The following GNAT3 variants were observed in gnomAD, a reference collection of about 807,000 sequenced individuals.
GNAT3 encodes G protein subunit alpha transducin 3.
A neutral mutation model predicts 37.7 loss-of-function variants in GNAT3; 31 were observed. The ratio of observed to expected loss-of-function variants is 0.82; its 90% confidence interval spans 0.62 to 1.11. The LOEUF is 1.11. Ranked by LOEUF, GNAT3 falls within the 50% of genes most tolerant of loss-of-function variation. GNAT3 has a pLI of 0.00. For synonymous variants in GNAT3, 138 were observed against 139.8 expected, an observed-to-expected ratio of 0.99 and a Z score of 0.09; for missense variants, 437 against 412.5, an observed-to-expected ratio of 1.06 and a Z score of -0.51.
At chr7:80,471,318 C>A (rs1456875339) in intron 5 of GNAT3, among the ~76,000 whole-genome samples, 4 of 151,488 alleles carry the variant, frequency 2.6e-5, no homozygotes, top group Non-Finnish European at 5.9e-5. Context: ...TTTGGTAACA[C>A]CCTCAGAGAC....
chr7:80,473,085 T>C (rs1790246167), intron 5 of GNAT3, among the ~76,000 whole-genome samples: 1 of 152,146 alleles, frequency 6.6e-6, no homozygotes, highest in South Asian at 2.1e-4. Flanking sequence ...GTGAGGAGTC[T>C]GAAGAAAGTA....
rs374712253 is a variant in GNAT3 at position 80,497,671 on chromosome 7, C to CATATACGTAT, written c.119-3025_119-3024insATACGTATAT. On this transcript the variant is annotated intron_variant, in intron 1 of 7. Coordinates refer to ENST00000398291, the MANE Select transcript of GNAT3 (RefSeq NM_001102386.3). ...ATACGTATATACATATACGTATATA[C>CATATACGTAT]ATACATATATACACACACACTGTCT... 1.5e-4 allele frequency among the ~76,000 whole-genome samples: 14 copies of CATATACGTAT among 91,138 alleles called. 2 individuals carry two copies. The highest frequency in any genetic ancestry group is 1.5e-3 in the African/African-American group (14 of 9,342). 59.8% of individuals were successfully genotyped at this position (91,138 alleles called of 152,430 possible).
Position 80,488,546 on chromosome 7 carries a change from G to A in GNAT3, c.292C>T (p.Pro98Ser). The change falls in exon 3 of 8, where the codon CCC becomes TCC. Residue 98 changes from proline (P) to serine (S), a missense_variant. Transcript: ENST00000398291. ...MTTLGIDYVN[P>S]RSAEDQRQLY... ...ATTTGCATACTTACTGCACTTCTGG[G>A]ATTTACATAATCAATTCCAAGGGTA... is the stretch of plus-strand genomic sequence containing the variant. 1 of 1,600,950 alleles carries A rather than the reference G, an allele frequency of 6.2e-7. No individual in the cohort carries two copies. The highest frequency in any genetic ancestry group is 8.5e-7 in the Non-Finnish European group (1 of 1,172,538).
chr7:80,486,632 C>CTTTTTTTTTT (rs762169940), intron 3 of GNAT3: 3 of 98,422 alleles, frequency 3.0e-5, no homozygotes, highest in African/African-American at 4.8e-5. Flanking sequence ...TTTTCTTTTC[C>CTTTTTTTTTT]TTTTTTTTTT....
intron 5 of GNAT3, among the ~76,000 whole-genome samples, chr7:80,466,616 G>A (rs184688278): frequency 4.9e-4 from 75 of 152,056 alleles, no homozygotes; most frequent in African/African-American, 1.7e-3. Flanking sequence ...TGGGTTCTAT[G>A]GGGGACATAA....
chr7:80,498,176 A>C (rs991556264), intron 1 of GNAT3, among the ~76,000 whole-genome samples: 6 of 152,110 alleles, frequency 3.9e-5, no homozygotes, highest in Non-Finnish European at 8.8e-5. Context: ...GTACTTCATA[A>C]ATATGGCCAT....
intron 1 of GNAT3, among the ~76,000 whole-genome samples, chr7:80,506,292 A>T (rs1041695010): frequency 6.6e-6 from 1 of 152,222 alleles, no homozygotes; most frequent in African/African-American, 2.4e-5. Flanking sequence ...AGCAAATACT[A>T]TCATTTGGCT....
intron 2 of GNAT3, among the ~76,000 whole-genome samples, chr7:80,493,525 G>C (rs1267203477): frequency 2.6e-5 from 4 of 152,052 alleles, no homozygotes; most frequent in African/African-American, 9.7e-5. Flanking sequence ...ATAAAATATG[G>C]CCCAAAGAAC....
Position 80,478,965 on chromosome 7 carries a change from T to C in GNAT3, c.337A>G (p.Thr113Ala). 1 of 1,612,156 alleles carries C rather than the reference T, an allele frequency of 6.2e-7. No homozygotes were observed. The highest frequency in any genetic ancestry group is 8.5e-7 in the Non-Finnish European group (1 of 1,179,024). The change falls in exon 4 of 8, where the codon ACC becomes GCC. Residue 113 changes from threonine to alanine, a missense_variant. By Grantham distance (58) the Thr-to-Ala change is moderately conservative. Coordinates refer to ENST00000398291, the MANE Select transcript of GNAT3 (RefSeq NM_001102386.3). ...DQRQLYAMAN[T>A]LEDGGMTPQL... The stretch of plus-strand genomic sequence containing the variant: ...GGTGTCATGCCACCATCTTCCAGGG[T>C]ATTTGCCATTGCATAAAGTTGTCGT...
At chr7:80,462,347 AT>A (rs747547996) in intron 6 of GNAT3, 35 bp from the exon 7 acceptor site, 2 of 1,595,764 alleles carry the variant, frequency 1.3e-6, no homozygotes, top group African/African-American at 2.7e-5. Flanking sequence ...GGGTAGGATT[AT>A]TATTTGCAAA....
chr7:80,481,034 G>T (rs1257425764), intron 3 of GNAT3, among the ~76,000 whole-genome samples: 6 of 151,894 alleles, frequency 4.0e-5, no homozygotes, highest in African/African-American at 1.5e-4. Flanking sequence ...ATACAACTCA[G>T]CTTATTATTA....
chr7:80,493,152 A>G (rs765753770), intron 2 of GNAT3, among the ~76,000 whole-genome samples: 99 of 152,212 alleles, frequency 6.5e-4, no homozygotes, highest in Middle Eastern at 6.8e-3. Context: ...GCAGCCAAAT[A>G]ATTGGTCTTT....
At chr7:80,492,388 A>G (rs531212658) in intron 2 of GNAT3, among the ~76,000 whole-genome samples, 90 of 151,770 alleles carry the variant, frequency 5.9e-4, no homozygotes, top group Middle Eastern at 6.8e-3. Flanking sequence ...TAAAAAATAA[A>G]ATGTTAATGC....
chr7:80,458,749 G>A lies in GNAT3; in HGVS notation c.987C>T (p.Thr329=), dbSNP rs1311832665. 3 of 1,598,306 alleles carry A rather than the reference G, an allele frequency of 1.9e-6. No homozygotes were observed. Among genetic ancestry groups the A allele is most frequent in the Admixed American group, 3.4e-5 (2 of 58,290 alleles). ...CGTCAAACACAAACTTGACATTTTG[G>A]GTGTCAGTAGCACAGGTCATGTGGG... is the stretch of plus-strand genomic sequence containing the variant. ...IYSHMTCATD[T]QNVKFVFDAV... is the part of the protein sequence containing the mutation. Residue 329 remains threonine, a synonymous_variant, in exon 8 of 8, where the codon ACC becomes ACT. Coordinates refer to ENST00000398291, the MANE Select transcript of GNAT3 (RefSeq NM_001102386.3).
intron 5 of GNAT3, among the ~76,000 whole-genome samples, chr7:80,465,495 T>G (rs1207270840): frequency 7.2e-5 from 11 of 152,138 alleles, no homozygotes; most frequent in Admixed American, 7.2e-4. Flanking sequence ...AATTATTATT[T>G]CAGCTGATAT....
chr7:80,497,569 T>TATACATATACGTAC (rs1790743565), intron 1 of GNAT3, among the ~76,000 whole-genome samples: 3 of 142,526 alleles, frequency 2.1e-5, no homozygotes, highest in Admixed American at 2.1e-4. Context: ...CATATACGTA[T>TATACATATACGTAC]ATACATATAC....
intron 2 of GNAT3, among the ~76,000 whole-genome samples, chr7:80,494,230 A>T (rs1360689227): frequency 6.6e-6 from 1 of 152,196 alleles, no homozygotes; most frequent in Non-Finnish European, 1.5e-5. Context: ...AGGTAGGCAA[A>T]ATGCTAATGA....
intron 3 of GNAT3, among the ~76,000 whole-genome samples, chr7:80,482,463 CTTA>C (rs1414474342): frequency 6.6e-6 from 1 of 151,678 alleles, no homozygotes; most frequent in East Asian, 1.9e-4. Flanking sequence ...GTTTTTCTTT[CTTA>C]TTTTCTTTTT....
chr7:80,473,986 A>G (rs1178724073), intron 5 of GNAT3, among the ~76,000 whole-genome samples: 1 of 152,130 alleles, frequency 6.6e-6, no homozygotes, highest in Non-Finnish European at 1.5e-5. Flanking sequence ...TGCCAGTTTT[A>G]AGCATGAGGA....
Sources: allele counts gnomAD v4.1 joint callset (sites outside exome capture counted in the v4.1 genomes callset), GRCh38; gene constraint gnomAD v4.1.1; transcripts MANE v1.5; gene names NCBI Gene and HGNC (gene_info 2026-07-23, HGNC 2026-07-21).